Variants in KCNIP3 observed in about 807,000 individuals in gnomAD.
KCNIP3 encodes calsenilin.
A neutral mutation model predicts 35.0 loss-of-function variants in KCNIP3; 28 were observed. The observed-to-expected ratio is 0.80, with a 90% CI of 0.59 to 1.10. The LOEUF (loss-of-function observed/expected upper bound fraction) is 1.10. Among genes scored for constraint, KCNIP3 ranks in the 50% least tolerant of loss-of-function variants. The pLI is 0.00. For missense variants in KCNIP3, 295 were observed against 338.4 expected (o/e 0.87, Z 1.01); for synonymous variants, 134 against 133.8 (o/e 1.00, Z -0.01).
intron 2 of KCNIP3, among the ~76,000 whole-genome samples, chr2:95,326,026 CAT>C (rs1359900187): frequency 1.3e-5 from 2 of 151,580 alleles, no homozygotes; most frequent in South Asian, 2.1e-4. Flanking sequence ...CACATTCACT[CAT>C]ACACACATAC....
At chr2:95,342,054 A>T (rs1160047349) in intron 2 of KCNIP3, among the ~76,000 whole-genome samples, 3 of 152,162 alleles carry the variant, frequency 2.0e-5, no homozygotes, top group Admixed American at 2.0e-4. Context: ...CTGGACAAAG[A>T]CAGGGAGGTG....
At chr2:95,356,176 C>T (rs1244524873) in intron 2 of KCNIP3, among the ~76,000 whole-genome samples, 1 of 152,090 alleles carries the variant, frequency 6.6e-6, no homozygotes, top group Admixed American at 6.6e-5. Context: ...ATCCTTTGCC[C>T]ACTTTTTGAT....
rs1680460827 is a variant in KCNIP3, at chr2:95,384,990, C to T, written c.*941C>T. 1 of 152,946 alleles carries T rather than the reference C, an allele frequency of 6.5e-6. No homozygotes were observed. Among genetic ancestry groups the T allele is most frequent in the South Asian group, 2.1e-4 (1 of 4,836 alleles). The allele number at this position is 152,946 out of a possible 1,614,324, so 9.5% of individuals were successfully genotyped here. A position where few individuals can be genotyped will look rare whatever the true frequency, so the allele number is the denominator to read the frequency against. ...CAGCCAGGGAGCCCGGGGCAGAGCT[C>T]AGAGGAGTCTGGGAAGGGGCGTGTC... On this transcript the variant is annotated 3_prime_UTR_variant, in exon 9 of 9. Coordinates refer to ENST00000295225, the MANE Select transcript of KCNIP3 (RefSeq NM_013434.5).
chr2:95,340,040 TAAA>T (rs1187056434), intron 2 of KCNIP3, among the ~76,000 whole-genome samples: 1 of 152,048 alleles, frequency 6.6e-6, no homozygotes, highest in Admixed American at 6.5e-5. Flanking sequence ...CTTACCGTCT[TAAA>T]AACTCCGTCC....
chr2:95,339,909 C>A (rs1316216636), intron 2 of KCNIP3, among the ~76,000 whole-genome samples: 3 of 152,230 alleles, frequency 2.0e-5, no homozygotes, highest in African/African-American at 7.2e-5. Flanking sequence ...CACCCAGGCC[C>A]TTTCTACCCT....
At chr2:95,359,653 G>C (rs756132978) in intron 2 of KCNIP3, among the ~76,000 whole-genome samples, 1 of 152,232 alleles carries the variant, frequency 6.6e-6, no homozygotes. Context: ...TCTGCAACAG[G>C]TCTCTGCCTG....
chr2:95,372,236 C>T (rs1032276270), intron 2 of KCNIP3, among the ~76,000 whole-genome samples: 1 of 152,192 alleles, frequency 6.6e-6, no homozygotes, highest in African/African-American at 2.4e-5. Context: ...TCCATCCACG[C>T]TGCTGTGTGT....
At chr2:95,363,081 G>C (rs2104287701) in intron 2 of KCNIP3, among the ~76,000 whole-genome samples, 1 of 152,192 alleles carries the variant, frequency 6.6e-6, no homozygotes, top group South Asian at 2.1e-4. Flanking sequence ...CTATTCTGTT[G>C]AGTGTCTCAC....
chr2:95,362,786 G>A (rs1357414660), intron 2 of KCNIP3, among the ~76,000 whole-genome samples: 4 of 152,152 alleles, frequency 2.6e-5, no homozygotes, highest in South Asian at 2.1e-4. Context: ...ACAGACCACC[G>A]ACTAGTACTG....
At chr2:95,309,574 C>G (rs1281501061) in intron 1 of KCNIP3, among the ~76,000 whole-genome samples, 2 of 152,138 alleles carry the variant, frequency 1.3e-5, no homozygotes, top group Non-Finnish European at 2.9e-5. Flanking sequence ...CAGGCACATG[C>G]CACCACGTCT....
At chr2:95,303,687 C>A (rs1031695071) in intron 1 of KCNIP3, among the ~76,000 whole-genome samples, 5 of 152,216 alleles carry the variant, frequency 3.3e-5, no homozygotes, top group African/African-American at 1.2e-4. Flanking sequence ...CCAGGCCACC[C>A]TTCTGAGGCA....
intron 2 of KCNIP3, among the ~76,000 whole-genome samples, chr2:95,363,682 A>G (rs538283375): frequency 1.1e-3 from 161 of 152,300 alleles, no homozygotes; most frequent in African/African-American, 3.6e-3. Flanking sequence ...TTTGGGGAGA[A>G]ATGACATTAA....
At chr2:95,300,627 C>T (rs1678001273) in intron 1 of KCNIP3, among the ~76,000 whole-genome samples, 1 of 152,240 alleles carries the variant, frequency 6.6e-6, no homozygotes, top group Admixed American at 6.5e-5. Context: ...CTGCCCAGGG[C>T]TCCCGGCCTC....
chr2:95,324,237 C>G (rs1043286588), intron 2 of KCNIP3, among the ~76,000 whole-genome samples: 54 of 152,236 alleles, frequency 3.5e-4, no homozygotes, highest in African/African-American at 1.3e-3. Flanking sequence ...GAGGGCCGGG[C>G]GCGGTGGCTC....
At chr2:95,331,702 G>A (rs1376703650) in intron 2 of KCNIP3, among the ~76,000 whole-genome samples, 2 of 152,222 alleles carry the variant, frequency 1.3e-5, no homozygotes, top group African/African-American at 2.4e-5. Context: ...CCCACATCCT[G>A]TTCTGCCATC....
At chr2:95,335,371 A>G (rs1679036471) in intron 2 of KCNIP3, among the ~76,000 whole-genome samples, 1 of 152,204 alleles carries the variant, frequency 6.6e-6, no homozygotes, top group South Asian at 2.1e-4. Context: ...ATGGCCAGTT[A>G]CTGTTCTTTG....
intron 2 of KCNIP3, among the ~76,000 whole-genome samples, chr2:95,324,651 G>T (rs1193557735): frequency 6.6e-6 from 1 of 151,900 alleles, no homozygotes; most frequent in Non-Finnish European, 1.5e-5. Context: ...GGTGGCTCAC[G>T]CCTGTAATCC....
At position 95,342,070 on chromosome 2, in the gene KCNIP3, G is replaced by C. The variant is rs551929866; in HGVS notation, c.181+31550G>C. 2.6e-5 allele frequency among the ~76,000 whole-genome samples: 4 copies of C among 152,270 alleles called. No individual in the cohort carries two copies. In the South Asian group the frequency reaches 8.3e-4, roughly 32 times the overall value. On this transcript the variant is annotated intron_variant, in intron 2 of 8. Transcript: ENST00000295225. ...TGGACAAAGACAGGGAGGTGGAAAA[G>C]TGTTCACAGTTCACGGAAGAGCATG...
At chr2:95,316,744 G>A (rs908867661) in intron 2 of KCNIP3, among the ~76,000 whole-genome samples, 3 of 152,170 alleles carry the variant, frequency 2.0e-5, no homozygotes, top group African/African-American at 7.2e-5. Context: ...GGGGAATGGT[G>A]GAGTTTTCAG....
Sources: allele counts gnomAD v4.1 joint callset (sites outside exome capture counted in the v4.1 genomes callset), GRCh38; gene constraint gnomAD v4.1.1; transcripts MANE v1.5; gene names NCBI Gene and HGNC (gene_info 2026-07-23, HGNC 2026-07-21).